The following RAPGEF6 variants were observed in gnomAD, a reference collection of about 807,000 sequenced individuals.
The protein encoded by RAPGEF6 is PDZ domain containing guanine nucleotide exchange factor (GEF) 2.
A neutral mutation model predicts 171.4 loss-of-function variants in RAPGEF6; 56 were observed. The ratio of observed to expected loss-of-function variants is 0.33; its 90% CI spans 0.26 to 0.41. The LOEUF (loss-of-function observed/expected upper bound fraction) is 0.41. Ranked by LOEUF, RAPGEF6 falls within the 10% of genes least tolerant of loss-of-function variation. The pLI is 1.00. For synonymous variants in RAPGEF6, 692 were observed against 650.1 expected (o/e 1.06, Z -0.98); for missense variants, 1,674 against 1,921.4 (o/e 0.87, Z 2.41).
At chr5:131,523,334 TAA>T (rs1452654775) in intron 6 of RAPGEF6, among the ~76,000 whole-genome samples, 1 of 146,604 alleles carries the variant, frequency 6.8e-6, no homozygotes, top group African/African-American at 2.5e-5. Flanking sequence ...CTTAAAAATG[TAA>T]AAATCATTCT....
chr5:131,487,741 T>C (rs1016499264), intron 15 of RAPGEF6, among the ~76,000 whole-genome samples: 2 of 152,206 alleles, frequency 1.3e-5, no homozygotes, highest in Non-Finnish European at 2.9e-5. Context: ...TCAGTATCAC[T>C]GAACCAATGT....
In RAPGEF6 at chr5:131,490,257, G is replaced by T. The variant is rs186120181; in HGVS notation, c.1732-603C>A. 8.0e-4 allele frequency among the ~76,000 whole-genome samples: 121 copies of T among 151,866 alleles called. 1 individual carries two copies. Among genetic ancestry groups the T allele is most frequent in the Admixed American group, 7.9e-3 (120 of 15,248 alleles). ...AAGAAGTACTGATTCTAAGGGAAAA[G>T]GATAAAAAGATATAATGAGCAAAAA... On this transcript the variant is annotated intron_variant, in intron 14 of 27. Transcript: ENST00000509018.
intron 15 of RAPGEF6, among the ~76,000 whole-genome samples, chr5:131,488,885 C>T (rs955533269): frequency 1.3e-5 from 2 of 151,998 alleles, no homozygotes; most frequent in Non-Finnish European, 2.9e-5. Flanking sequence ...TCTGAAAAAT[C>T]CTAAAGTGTC....
intron 1 of RAPGEF6, among the ~76,000 whole-genome samples, chr5:131,622,387 C>A (rs1485125091): frequency 6.6e-6 from 1 of 152,230 alleles, no homozygotes; most frequent in Non-Finnish European, 1.5e-5. Flanking sequence ...AAGGGACAGA[C>A]TGACTGTGAA....
At chr5:131,476,784 G>A (rs185612284) in intron 16 of RAPGEF6, among the ~76,000 whole-genome samples, 1 of 152,192 alleles carries the variant, frequency 6.6e-6, no homozygotes, top group East Asian at 1.9e-4. Flanking sequence ...TGTCCACCTC[G>A]GCCTCCCAAA....
At chr5:131,622,561 ATGTG>A (rs1765654708) in intron 1 of RAPGEF6, among the ~76,000 whole-genome samples, 1 of 152,170 alleles carries the variant, frequency 6.6e-6, no homozygotes, top group African/African-American at 2.4e-5. Flanking sequence ...TGCCTCAAAC[ATGTG>A]TTGCTTATGC....
intron 4 of RAPGEF6, among the ~76,000 whole-genome samples, chr5:131,566,462 T>C (rs1425858728): frequency 6.6e-6 from 1 of 152,196 alleles, no homozygotes; most frequent in Non-Finnish European, 1.5e-5. Context: ...ACTTTAAATA[T>C]AAACCAGGAT....
intron 26 of RAPGEF6, 110 bp from the exon 27 acceptor site, chr5:131,429,326 A>C: frequency 1.0e-6 from 1 of 981,280 alleles, no homozygotes; most frequent in Non-Finnish European, 1.5e-6. Context: ...AAATAGACAA[A>C]ATGAATAAAC....
intron 1 of RAPGEF6, among the ~76,000 whole-genome samples, chr5:131,608,093 C>T (rs1764715728): frequency 1.3e-5 from 2 of 152,150 alleles, no homozygotes; most frequent in Admixed American, 1.3e-4. Flanking sequence ...GGGAGTGGTG[C>T]TACTGGCATC....
At chr5:131,566,649 A>T (rs1324995540) in intron 4 of RAPGEF6, among the ~76,000 whole-genome samples, 1 of 152,076 alleles carries the variant, frequency 6.6e-6, no homozygotes, top group African/African-American at 2.4e-5. Context: ...TTTGGAATGT[A>T]TGTAATAATG....
At chr5:131,570,942 C>CTTTT (rs767023216) in intron 4 of RAPGEF6, among the ~76,000 whole-genome samples, 2 of 128,562 alleles carry the variant, frequency 1.6e-5, no homozygotes, top group South Asian at 2.5e-4. Context: ...TCCCCAACTA[C>CTTTT]TTTTTTTTTT....
intron 15 of RAPGEF6, among the ~76,000 whole-genome samples, chr5:131,481,223 CCCTTTTTTTTT>C (rs1329413022): frequency 1.3e-5 from 2 of 150,116 alleles, no homozygotes; most frequent in Non-Finnish European, 3.0e-5. Context: ...CCATGCCTGG[CCCTTTTTTTTT>C]CCTTTTTTTG....
intron 6 of RAPGEF6, among the ~76,000 whole-genome samples, chr5:131,547,228 T>A (rs1760608309): frequency 6.6e-6 from 1 of 152,188 alleles, no homozygotes. Flanking sequence ...TAAATATCTG[T>A]TTATGACAAC....
intron 4 of RAPGEF6, among the ~76,000 whole-genome samples, chr5:131,588,773 T>C (rs895210509): frequency 4.0e-5 from 6 of 148,644 alleles, no homozygotes; most frequent in African/African-American, 1.5e-4. Context: ...ACAAAAACAA[T>C]AAAGATTAAT....
intron 7 of RAPGEF6, among the ~76,000 whole-genome samples, chr5:131,515,379 C>A (rs1758005251): frequency 6.6e-6 from 1 of 152,200 alleles, no homozygotes; most frequent in African/African-American, 2.4e-5. Flanking sequence ...AAAATCAAGT[C>A]TCTTTTGCCC....
chr5:131,535,038 T>C (rs1439677327), intron 6 of RAPGEF6, among the ~76,000 whole-genome samples: 1 of 152,094 alleles, frequency 6.6e-6, no homozygotes, highest in Non-Finnish European at 1.5e-5. Context: ...GTGTGAGAAA[T>C]GCAATCCACT....
chr5:131,500,753 T>C (rs1192749934), intron 11 of RAPGEF6, among the ~76,000 whole-genome samples: 1 of 152,158 alleles, frequency 6.6e-6, no homozygotes, highest in African/African-American at 2.4e-5. Context: ...TATCAAGTCA[T>C]GCTGAAACTA....
chr5:131,557,049 C>A (rs867675614), intron 5 of RAPGEF6, among the ~76,000 whole-genome samples: 4 of 152,084 alleles, frequency 2.6e-5, no homozygotes, highest in Non-Finnish European at 4.4e-5. Flanking sequence ...GGACTGCAGA[C>A]GTGTGTCACA....
At chr5:131,496,789 T>A (rs1036218319) in intron 12 of RAPGEF6, among the ~76,000 whole-genome samples, 12 of 152,244 alleles carry the variant, frequency 7.9e-5, no homozygotes, top group African/African-American at 2.9e-4. Context: ...TTGGCTATTG[T>A]CAATAGTGCT....
Sources: gnomAD v4.1 joint callset for allele counts (sites outside exome capture counted in the v4.1 genomes callset) on GRCh38, gnomAD v4.1.1 for gene constraint, MANE v1.5 for transcripts, NCBI Gene and HGNC (gene_info 2026-07-23, HGNC 2026-07-21) for gene names.